The following MBNL2 variants were observed in gnomAD, a reference collection of about 807,000 sequenced individuals.
The protein encoded by MBNL2 is muscleblind like splicing regulator 2.
In MBNL2, 17 loss-of-function variants were observed where a neutral mutation model predicts 41.9. The observed-to-expected ratio is 0.41, with a 90% confidence interval of 0.28 to 0.61. The LOEUF is 0.61. Ranked by LOEUF, MBNL2 falls within the 20% of genes least tolerant of loss-of-function variation. MBNL2 has a pLI of 0.35. For missense variants in MBNL2, 336 were observed against 505.6 expected (o/e 0.66, Z 3.22); for synonymous variants, 195 against 182.9 (o/e 1.07, Z -0.53).
At chr13:97,290,909 A>G (rs2055811186) in intron 2 of MBNL2, among the ~76,000 whole-genome samples, 1 of 151,612 alleles carries the variant, frequency 6.6e-6, no homozygotes, top group East Asian at 1.9e-4. Flanking sequence ...TCCCAGATGC[A>G]GGGGAAAAAG....
chr13:97,211,339 T>A, the MBNL2 span, among the ~76,000 whole-genome samples: 1 of 151,894 alleles, frequency 6.6e-6, no homozygotes, highest in African/African-American at 2.4e-5. Flanking sequence ...GGGTTGGGGG[T>A]ATAGAGCAGG....
chr13:97,220,801 C>G (rs2040794232), upstream of MBNL2, among the ~76,000 whole-genome samples: 1 of 152,026 alleles, frequency 6.6e-6, no homozygotes, highest in South Asian at 2.1e-4. Context: ...ACTGAAGTTT[C>G]AGGAATGGGA....
chr13:97,178,257 A>G, the MBNL2 span, among the ~76,000 whole-genome samples: 1 of 152,224 alleles, frequency 6.6e-6, no homozygotes, highest in Middle Eastern at 3.2e-3. Flanking sequence ...AGCCATGACT[A>G]TGAAAATGGA....
chr13:97,163,148 C>A, the MBNL2 span, among the ~76,000 whole-genome samples: 1 of 152,204 alleles, frequency 6.6e-6, no homozygotes. Flanking sequence ...AGAAGCATTA[C>A]AGCATCAGGG....
the MBNL2 span, among the ~76,000 whole-genome samples, chr13:97,170,270 T>C: frequency 6.6e-6 from 1 of 152,256 alleles, no homozygotes; most frequent in East Asian, 1.9e-4. Flanking sequence ...CTCCCATTTA[T>C]TATTAACTGT....
chr13:97,152,982 A>G, the MBNL2 span, among the ~76,000 whole-genome samples: 19 of 152,246 alleles, frequency 1.2e-4, no homozygotes, highest in African/African-American at 4.6e-4. Context: ...CTCTGGAGAA[A>G]TCTCTCAAAA....
At chr13:97,375,763 G>C (rs947359778) in intron 8 of MBNL2, among the ~76,000 whole-genome samples, 2 of 152,204 alleles carry the variant, frequency 1.3e-5, no homozygotes, top group Non-Finnish European at 2.9e-5. Context: ...TCGATAGCAT[G>C]TGTGGTTTAG....
intron 8 of MBNL2, among the ~76,000 whole-genome samples, chr13:97,384,269 GTATAAT>G (rs1376980010): frequency 6.6e-6 from 1 of 152,154 alleles, no homozygotes; most frequent in African/African-American, 2.4e-5. Flanking sequence ...TTGTTAACAT[GTATAAT>G]TATAATTGCT....
Position 97,268,062 on chromosome 13 carries a change from T to G in MBNL2, c.-604-7570T>G, listed in dbSNP as rs535418728. 1.5e-4 allele frequency among the ~76,000 whole-genome samples: 21 copies of G among 143,002 alleles called. No individual in the cohort carries two copies. The highest frequency in any genetic ancestry group is 5.5e-4 in the African/African-American group (21 of 38,530). 93.8% of individuals were successfully genotyped at this position (143,002 alleles called of 152,430 possible). ...TGGTGGTGGGGCCTAAGAGTGTGCT[T>G]TTCTTTTTTCTTTCCTTCCTTCCTT... On this transcript the variant is annotated intron_variant, in intron 1 of 8. Transcript: ENST00000679496. The surrounding 1 kb of genome is among the most constrained non-coding windows in gnomAD (Gnocchi z 4.6).
chr13:97,203,868 AAGTGAATGG>A, the MBNL2 span, among the ~76,000 whole-genome samples: 1 of 141,482 alleles, frequency 7.1e-6, no homozygotes, highest in Non-Finnish European at 1.6e-5. Flanking sequence ...AATGAATGAT[AAGTGAATGG>A]ATGGATGGAT....
chr13:97,199,096 G>T, the MBNL2 span, among the ~76,000 whole-genome samples: 4 of 152,024 alleles, frequency 2.6e-5, no homozygotes, highest in Non-Finnish European at 5.9e-5. Flanking sequence ...TTGGCCAAGA[G>T]TGCTGGTCAC....
At chr13:97,341,495 T>C (rs2061434402) in intron 3 of MBNL2, among the ~76,000 whole-genome samples, 1 of 152,200 alleles carries the variant, frequency 6.6e-6, no homozygotes, top group African/African-American at 2.4e-5. Context: ...CATACACATA[T>C]AAACATTTGT....
chr13:97,313,936 A>G (rs1201257149), intron 2 of MBNL2, among the ~76,000 whole-genome samples: 1 of 152,224 alleles, frequency 6.6e-6, no homozygotes, highest in African/African-American at 2.4e-5. Flanking sequence ...GCACTTTCTC[A>G]TAATTTATTA....
intron 2 of MBNL2, among the ~76,000 whole-genome samples, chr13:97,287,712 TTTTC>T (rs1594155132): frequency 1.4e-5 from 2 of 143,880 alleles, no homozygotes; most frequent in South Asian, 4.2e-4. Context: ...TTTTCTTTTC[TTTTC>T]TTTTCTTTTT....
At chr13:97,229,843 G>A (rs187747929) in intron 1 of MBNL2, among the ~76,000 whole-genome samples, 37 of 152,332 alleles carry the variant, frequency 2.4e-4, no homozygotes, top group Middle Eastern at 3.4e-3. Context: ...AGGGTTAGAG[G>A]TCAGAACATT....
intron 2 of MBNL2, among the ~76,000 whole-genome samples, chr13:97,313,109 A>G (rs2058748315): frequency 6.6e-6 from 1 of 152,194 alleles, no homozygotes; most frequent in Non-Finnish European, 1.5e-5. Context: ...TAGATAGGCC[A>G]AAAAGAAGTC....
chr13:97,222,843 T>C (rs1271331930), intron 1 of MBNL2, among the ~76,000 whole-genome samples: 3 of 152,304 alleles, frequency 2.0e-5, no homozygotes, highest in South Asian at 2.1e-4. Flanking sequence ...CTGTGAAAAA[T>C]TGTTATATTG....
intron 1 of MBNL2, among the ~76,000 whole-genome samples, chr13:97,235,551 G>C (rs1190948175): frequency 6.6e-6 from 1 of 152,246 alleles, no homozygotes; most frequent in East Asian, 1.9e-4. Context: ...GTTAGGTCTT[G>C]AGTTAATTGC....
intron 7 of MBNL2, among the ~76,000 whole-genome samples, chr13:97,361,948 T>C (rs1467161858): frequency 6.6e-6 from 1 of 151,736 alleles, no homozygotes; most frequent in Non-Finnish European, 1.5e-5. Flanking sequence ...TTTTTTTGTA[T>C]TTTTCGTAGA....
Sources: allele counts gnomAD v4.1 joint callset (sites outside exome capture counted in the v4.1 genomes callset), GRCh38; gene constraint gnomAD v4.1.1; non-coding constraint Gnocchi (gnomAD v3.1); transcripts MANE v1.5; gene names NCBI Gene and HGNC (gene_info 2026-07-23, HGNC 2026-07-21).